PCSK5: variants seen among roughly 807,000 people sequenced by gnomAD.
PCSK5 encodes the protein prohormone convertase 5.
In PCSK5, 129 loss-of-function variants were observed where a neutral mutation model predicts 233.2. The ratio of observed to expected loss-of-function variants is 0.55; its 90% CI spans 0.48 to 0.64. The LOEUF (loss-of-function observed/expected upper bound fraction) is 0.64. Ranked by LOEUF, PCSK5 falls within the 30% of genes least tolerant of loss-of-function variation. The pLI is 0.00. For missense variants in PCSK5, 2,076 were observed against 2,430.1 expected, an observed-to-expected ratio of 0.85 and a Z score of 3.06; for synonymous variants, 825 against 879.2, an observed-to-expected ratio of 0.94 and a Z score of 1.09.
chr9:76,251,007 C>A (rs536784817), intron 24 of PCSK5, among the ~76,000 whole-genome samples: 8 of 152,322 alleles, frequency 5.3e-5, no homozygotes, highest in African/African-American at 1.9e-4. Flanking sequence ...GTAGCTCAGA[C>A]CTGTAATCCC....
At chr9:76,223,363 T>G (rs966791925) in intron 20 of PCSK5, among the ~76,000 whole-genome samples, 1 of 152,354 alleles carries the variant, frequency 6.6e-6, no homozygotes, top group Middle Eastern at 3.4e-3. Flanking sequence ...TTCAATCTTA[T>G]GTTGTAACTT....
intron 21 of PCSK5, among the ~76,000 whole-genome samples, chr9:76,228,214 C>T (rs1825960657): frequency 6.6e-6 from 1 of 152,006 alleles, no homozygotes; most frequent in South Asian, 2.1e-4. Context: ...TCTCCTATTT[C>T]TGAATGGTCT....
intron 20 of PCSK5, among the ~76,000 whole-genome samples, chr9:76,217,301 T>G (rs1039810013): frequency 1.3e-5 from 2 of 152,098 alleles, no homozygotes; most frequent in African/African-American, 2.4e-5. Flanking sequence ...AAGAAGTGAG[T>G]TGAGCGTTGA....
intron 1 of PCSK5, among the ~76,000 whole-genome samples, chr9:75,908,925 C>CTCTCTG (rs1822560774): frequency 9.6e-6 from 1 of 103,786 alleles, no homozygotes; most frequent in African/African-American, 3.5e-5. Context: ...CTATCTATCT[C>CTCTCTG]TCTATCTCTC....
intron 5 of PCSK5, among the ~76,000 whole-genome samples, chr9:76,043,561 C>A (rs1266588958): frequency 6.6e-6 from 1 of 151,946 alleles, no homozygotes; most frequent in Non-Finnish European, 1.5e-5. Flanking sequence ...TTTCAGATGT[C>A]ACGTGCTGGC....
chr9:76,018,291 G>T (rs1828036416), intron 3 of PCSK5, among the ~76,000 whole-genome samples: 1 of 152,142 alleles, frequency 6.6e-6, no homozygotes, highest in Non-Finnish European at 1.5e-5. Context: ...TGGAAATTGG[G>T]AAACACTAAC....
intron 5 of PCSK5, among the ~76,000 whole-genome samples, chr9:76,048,408 C>G (rs1196046930): frequency 6.6e-6 from 1 of 152,172 alleles, no homozygotes; most frequent in Non-Finnish European, 1.5e-5. Context: ...ATCCAGATAG[C>G]TTAAAAATGC....
chr9:76,248,986 C>T (rs982105208), intron 24 of PCSK5, among the ~76,000 whole-genome samples: 1 of 152,170 alleles, frequency 6.6e-6, no homozygotes, highest in African/African-American at 2.4e-5. Flanking sequence ...TAGTCTCAAA[C>T]TCCTGGCCTC....
chr9:76,056,745 C>A (rs1829832567), intron 5 of PCSK5, among the ~76,000 whole-genome samples: 1 of 152,070 alleles, frequency 6.6e-6, no homozygotes, highest in Admixed American at 6.6e-5. Flanking sequence ...TTTACTAGGG[C>A]TTTGACAGTA....
intron 1 of PCSK5, among the ~76,000 whole-genome samples, chr9:75,895,600 G>A (rs1209145125): frequency 6.6e-6 from 1 of 152,190 alleles, no homozygotes; most frequent in Non-Finnish European, 1.5e-5. Flanking sequence ...GATTTCCCAT[G>A]GCAGGGCCCT....
At chr9:76,038,924 A>T (rs1828979384) in intron 5 of PCSK5, among the ~76,000 whole-genome samples, 2 of 152,178 alleles carry the variant, frequency 1.3e-5, no homozygotes, top group South Asian at 4.1e-4. Flanking sequence ...TTGTTCAACC[A>T]ACCTTCCTGC....
At chr9:76,191,191 G>A (rs1824359152) in intron 20 of PCSK5, among the ~76,000 whole-genome samples, 2 of 148,106 alleles carry the variant, frequency 1.4e-5, no homozygotes, top group South Asian at 4.4e-4. Context: ...AACATCTTTG[G>A]ATTGTTATAA....
chr9:76,203,815 T>C (rs1825007432), intron 20 of PCSK5, among the ~76,000 whole-genome samples: 1 of 152,148 alleles, frequency 6.6e-6, no homozygotes, highest in South Asian at 2.1e-4. Flanking sequence ...AGATCCCAAG[T>C]TGATCTTTTC....
At chr9:76,158,087 A>G (rs1822679663) in intron 11 of PCSK5, among the ~76,000 whole-genome samples, 1 of 152,252 alleles carries the variant, frequency 6.6e-6, no homozygotes, top group East Asian at 1.9e-4. Context: ...CATTAGGAAT[A>G]AAAAGGAGAA....
rs112526149 is a variant in PCSK5 at position 76,034,782 on chromosome 9, A to G, written c.632+7745A>G. On this transcript the variant is annotated intron_variant, in intron 5 of 37. Coordinates refer to ENST00000674117, the MANE Select transcript of PCSK5 (RefSeq NM_001372043.1). ...GAGTAGGAAATAGAAAGGCAAGAAC[A>G]TATACTAAGTTGATTTTCAGTTTAG... Among the ~76,000 whole-genome samples the G allele has an allele frequency of 6.2e-3, 940 of 152,310 alleles. 6 individuals are homozygous for G. Among genetic ancestry groups the G allele is most frequent in the Middle Eastern group, 0.01 (3 of 294 alleles).
chr9:76,261,658 T>G (rs536093513), intron 24 of PCSK5, among the ~76,000 whole-genome samples: 8 of 152,328 alleles, frequency 5.3e-5, no homozygotes, highest in Admixed American at 1.3e-4. Flanking sequence ...TTCTTCCATT[T>G]GTTTGTTTCC....
intron 2 of PCSK5, among the ~76,000 whole-genome samples, chr9:75,933,879 T>C (rs2131285927): frequency 6.6e-6 from 1 of 152,334 alleles, no homozygotes; most frequent in South Asian, 2.1e-4. Context: ...TGAACTTTGG[T>C]AATTAAAACG....
At chr9:76,097,228 C>T (rs1831560140) in intron 8 of PCSK5, among the ~76,000 whole-genome samples, 1 of 146,296 alleles carries the variant, frequency 6.8e-6, no homozygotes, top group African/African-American at 2.5e-5. Context: ...GCACCGCGCC[C>T]AGCCAAAAAG....
chr9:76,060,627 TA>T (rs1297007874), intron 5 of PCSK5, among the ~76,000 whole-genome samples: 2 of 152,190 alleles, frequency 1.3e-5, no homozygotes, highest in Non-Finnish European at 2.9e-5. Flanking sequence ...TTTCTAGGGT[TA>T]AAAAATCCAG....
Sources: gnomAD v4.1 joint callset for allele counts (sites outside exome capture counted in the v4.1 genomes callset) on GRCh38, gnomAD v4.1.1 for gene constraint, MANE v1.5 for transcripts, NCBI Gene and HGNC (gene_info 2026-07-23, HGNC 2026-07-21) for gene names.